The following XKR5 variants were observed in gnomAD, a reference collection of about 807,000 sequenced individuals.
XKR5 encodes the protein XK-related protein 5.
In XKR5, 46 loss-of-function variants were observed where a neutral mutation model predicts 40.8. The ratio of observed to expected loss-of-function variants is 1.13; its 90% CI spans 0.89 to 1.44. The LOEUF is 1.44. Ranked by LOEUF, XKR5 falls within the 40% of genes most tolerant of loss-of-function variation. XKR5 has a pLI of 0.00. For synonymous variants in XKR5, 466 were observed against 356.1 expected (o/e 1.31, Z -3.48); for missense variants, 1,169 against 844.7 (o/e 1.38, Z -4.76).
intron 1 of XKR5, among the ~76,000 whole-genome samples, chr8:6,834,552 C>G (rs1006012784): frequency 1.3e-5 from 2 of 152,244 alleles, no homozygotes; most frequent in Non-Finnish European, 2.9e-5. Context: ...GGGCGCGGAG[C>G]CAGGGCGCTT....
At chr8:6,816,743 AT>A (rs1563350418) in intron 5 of XKR5, among the ~76,000 whole-genome samples, 2 of 147,650 alleles carry the variant, frequency 1.4e-5, no homozygotes, top group African/African-American at 4.9e-5. Context: ...ATTTTAATAT[AT>A]TTAATATATA....
intron 6 of XKR5, among the ~76,000 whole-genome samples, chr8:6,813,099 G>C (rs532116096): frequency 1.2e-3 from 190 of 152,322 alleles, no homozygotes; most frequent in African/African-American, 4.3e-3. Flanking sequence ...GAGAAGGCCA[G>C]GAGATTGCAG....
At chr8:6,834,215 C>T (rs545002496) in intron 1 of XKR5, among the ~76,000 whole-genome samples, 406 of 152,312 alleles carry the variant, frequency 2.7e-3, no homozygotes, top group Non-Finnish European at 4.7e-3. Context: ...ACAACTGTTA[C>T]TTAGGTTTTC....
At chr8:6,828,695 C>G (rs890197879) in intron 2 of XKR5, among the ~76,000 whole-genome samples, 6 of 152,232 alleles carry the variant, frequency 3.9e-5, no homozygotes, top group Non-Finnish European at 5.9e-5. Flanking sequence ...TGGCTGCCTG[C>G]ATGGACCCCG....
intron 3 of XKR5, among the ~76,000 whole-genome samples, 164 bp downstream of exon 3, chr8:6,825,001 C>A (rs1025630446): frequency 1.3e-5 from 2 of 152,312 alleles, no homozygotes; most frequent in South Asian, 2.1e-4. Context: ...ACTCAATGCA[C>A]CAGCAAAAGC....
intron 4 of XKR5, among the ~76,000 whole-genome samples, chr8:6,823,297 A>G (rs1443742327): frequency 6.6e-6 from 1 of 152,172 alleles, no homozygotes; most frequent in Non-Finnish European, 1.5e-5. Context: ...GTTCCTTGCC[A>G]TTGCAATTCT....
chr8:6,814,515 G>A (rs1055849061), intron 6 of XKR5, among the ~76,000 whole-genome samples: 11 of 152,172 alleles, frequency 7.2e-5, no homozygotes, highest in African/African-American at 1.9e-4. Context: ...AAGGGTCCTC[G>A]TGGTGATGGA....
intron 2 of XKR5, among the ~76,000 whole-genome samples, chr8:6,832,171 C>G (rs1038782350): frequency 4.6e-5 from 7 of 152,306 alleles, no homozygotes; most frequent in Admixed American, 3.3e-4. Context: ...TCAGCCCTCA[C>G]CTGTCGTGAT....
intron 2 of XKR5, chr8:6,829,065 G>C (rs1804644493): frequency 6.5e-6 from 1 of 152,716 alleles, no homozygotes; most frequent in African/African-American, 2.4e-5. Context: ...AGCCTCACTC[G>C]AGGGATCCTG....
At chr8:6,828,843 T>C (rs1587196401) in intron 2 of XKR5, among the ~76,000 whole-genome samples, 1 of 152,204 alleles carries the variant, frequency 6.6e-6, no homozygotes, top group East Asian at 1.9e-4. Context: ...CTTAATCCAG[T>C]AGAAAAGTTT....
intron 5 of XKR5, among the ~76,000 whole-genome samples, chr8:6,820,527 G>A (rs1232176759): frequency 1.3e-5 from 2 of 152,254 alleles, no homozygotes; most frequent in Admixed American, 1.3e-4. Flanking sequence ...GGCATTGGCA[G>A]GCGGGGTGTC....
intron 5 of XKR5, among the ~76,000 whole-genome samples, chr8:6,819,498 G>T (rs1804126135): frequency 6.6e-6 from 1 of 152,336 alleles, no homozygotes; most frequent in East Asian, 1.9e-4. Context: ...ATGGAGTTTA[G>T]CTGGGGGTGT....
chr8:6,835,496 T>C lies in XKR5; in HGVS notation c.-3A>G. On this transcript the variant is annotated 5_prime_UTR_variant, in exon 1 of 7. Coordinates refer to ENST00000618742, the MANE Select transcript of XKR5 (RefSeq NM_207411.5). ...AGCCCCAGGAGCCTCGCGTGCATCTTCCGTGCCGACCCCGCAGCCTGCGCC... is the reference window on the plus strand; with the variant it reads ...AGCCCCAGGAGCCTCGCGTGCATCTCCCGTGCCGACCCCGCAGCCTGCGCC... 6.7e-7 allele frequency: 1 copy of C among 1,498,638 alleles called. No individual in the cohort carries two copies. The highest frequency in any genetic ancestry group is 1.2e-5 in the South Asian group (1 of 80,070). The allele number at this position is 1,498,638 out of a possible 1,614,324, so 92.8% of individuals were successfully genotyped here. A position where few individuals can be genotyped will look rare whatever the true frequency, so the allele number is the denominator to read the frequency against.
chr8:6,820,148 G>A (rs374880923), intron 5 of XKR5, among the ~76,000 whole-genome samples: 7 of 152,204 alleles, frequency 4.6e-5, no homozygotes, highest in Non-Finnish European at 1.5e-5. Context: ...TTAGCTGGTC[G>A]GGCAGCAAGG....
rs533481979 is a variant in XKR5 at position 6,821,760 on chromosome 8, A to C, written c.807+109T>G. On this transcript the variant is annotated intron_variant, in intron 5 of 6. Transcript: ENST00000618742. The stretch of plus-strand genomic sequence containing the variant: ...TTAAACTAAGCTATTCCTTTTCAAT[A>C]GATAGGTGTGCATTGGTGCACACAC... 4 of 909,478 alleles carry C rather than the reference A, an allele frequency of 4.4e-6. 1 individual carries two copies. In the South Asian group the frequency reaches 9.6e-5, roughly 22 times the overall value. The allele number at this position is 909,478 out of a possible 1,614,324, so 56.3% of individuals were successfully genotyped here.
chr8:6,834,840 T>A (rs1458643706), intron 1 of XKR5, among the ~76,000 whole-genome samples: 1 of 151,914 alleles, frequency 6.6e-6, no homozygotes, highest in Non-Finnish European at 1.5e-5. Context: ...GGGTTCCCCC[T>A]GCGACGGAGG....
At chr8:6,818,004 G>A (rs28403907) in intron 5 of XKR5, among the ~76,000 whole-genome samples, 29,801 of 152,114 alleles carry the variant, frequency 0.2, 3,090 homozygotes, top group East Asian at 0.27. Flanking sequence ...GCCCCCGGAT[G>A]TTCCTCCTCC....
chr8:6,819,144 G>A (rs976344152), intron 5 of XKR5, among the ~76,000 whole-genome samples: 2 of 152,230 alleles, frequency 1.3e-5, no homozygotes, highest in Non-Finnish European at 2.9e-5. Context: ...ATAGCTGAGC[G>A]ATGCTTGGGT....
At chr8:6,815,337 C>T (rs954372467) in intron 6 of XKR5, among the ~76,000 whole-genome samples, 2 of 152,192 alleles carry the variant, frequency 1.3e-5, no homozygotes, top group Admixed American at 1.3e-4. Context: ...GGGCTTGAAT[C>T]TCAGCTCTAT....
Sources: gnomAD v4.1 joint callset for allele counts (sites outside exome capture counted in the v4.1 genomes callset) on GRCh38, gnomAD v4.1.1 for gene constraint, MANE v1.5 for transcripts, NCBI Gene and HGNC (gene_info 2026-07-23, HGNC 2026-07-21) for gene names.